Variants in EVC2 observed in about 807,000 individuals in gnomAD.
EVC2 encodes the protein EvC ciliary complex subunit 2, also known as limbin.
In EVC2, 148 loss-of-function variants were observed where a neutral mutation model predicts 149.3. The observed-to-expected ratio is 0.99, with a 90% confidence interval of 0.87 to 1.14. The LOEUF (loss-of-function observed/expected upper bound fraction) is 1.14, where lower values mean the gene tolerates loss of function less well. EVC2 is among the 50% of genes most tolerant of loss of function. The pLI is 0.00. For missense variants in EVC2, 1,854 were observed against 1,627.3 expected (o/e 1.14, Z -2.40); for synonymous variants, 776 against 649.9 (o/e 1.19, Z -2.95).
At chr4:5,603,842 G>T (rs972106683) in intron 16 of EVC2, among the ~76,000 whole-genome samples, 2 of 152,200 alleles carry the variant, frequency 1.3e-5, no homozygotes, top group Non-Finnish European at 2.9e-5. Flanking sequence ...ATAATTAAGT[G>T]TTCCTAAAGA....
chr4:5,631,786 G>C lies in EVC2; in HGVS notation c.1710+7C>G. The C allele has an allele frequency of 1.2e-6, 2 of 1,613,674 alleles. No homozygotes were observed. The highest frequency in any genetic ancestry group is 1.7e-6 in the Non-Finnish European group (2 of 1,179,590). ...ACTTTTCCATCACAGCGAGGCTGAT[G>C]TATTACCTGTATTTTAGAATAATTT... On this transcript the variant is annotated splice_region_variant and intron_variant, in intron 11 of 21. Coordinates refer to ENST00000344408, the MANE Select transcript of EVC2 (RefSeq NM_147127.5).
intron 13 of EVC2, among the ~76,000 whole-genome samples, chr4:5,624,363 T>C (rs1241090490): frequency 6.6e-6 from 1 of 152,182 alleles, no homozygotes; most frequent in Non-Finnish European, 1.5e-5. Context: ...CCTATTCCCT[T>C]GCCCAGGCAG....
intron 19 of EVC2, among the ~76,000 whole-genome samples, chr4:5,574,341 T>C (rs1246045363): frequency 6.6e-6 from 1 of 152,254 alleles, no homozygotes; most frequent in Admixed American, 6.5e-5. Flanking sequence ...TTGATGGCTC[T>C]GGCCCAGTTT....
chr4:5,700,220 T>G (rs1018217680), intron 1 of EVC2, among the ~76,000 whole-genome samples: 4 of 152,216 alleles, frequency 2.6e-5, no homozygotes, highest in African/African-American at 9.6e-5. Context: ...ATATGTGAAC[T>G]TTCTGCGCTA....
intron 16 of EVC2, among the ~76,000 whole-genome samples, chr4:5,615,082 G>A (rs1017960405): frequency 6.6e-6 from 1 of 152,146 alleles, no homozygotes; most frequent in Non-Finnish European, 1.5e-5. Flanking sequence ...GAATGTGATG[G>A]AGGTGAAATG....
chr4:5,615,689 G>A (rs1165527563), intron 15 of EVC2, 145 bp from the exon 16 acceptor site: 1 of 1,195,718 alleles, frequency 8.4e-7, no homozygotes, highest in Non-Finnish European at 1.2e-6. Context: ...GGGGAGGAGA[G>A]AGGTATGTTC....
At chr4:5,643,513 A>G (rs1332074660) in intron 9 of EVC2, among the ~76,000 whole-genome samples, 2 of 152,150 alleles carry the variant, frequency 1.3e-5, no homozygotes, top group Non-Finnish European at 2.9e-5. Flanking sequence ...TTAAATTTGC[A>G]TGTTGTTTTC....
intron 1 of EVC2, among the ~76,000 whole-genome samples, chr4:5,707,689 T>C (rs1208091828): frequency 6.6e-6 from 1 of 151,944 alleles, no homozygotes; most frequent in African/African-American, 2.4e-5. Context: ...GAAAAGGCAC[T>C]AGGACTGGTG....
chr4:5,558,871 T>C (rs1005589613), downstream of EVC2, among the ~76,000 whole-genome samples: 1 of 152,148 alleles, frequency 6.6e-6, no homozygotes, highest in African/African-American at 2.4e-5. Context: ...TGGGAAATGA[T>C]GGGAGCCACG....
At chr4:5,539,306 A>G (rs1721471686), downstream of EVC2, among the ~76,000 whole-genome samples, 1 of 152,204 alleles carries the variant, frequency 6.6e-6, no homozygotes, top group Admixed American at 6.5e-5. Flanking sequence ...ATGAAGAGCT[A>G]TACTGTATTT....
chr4:5,585,369 C>A (rs151084083), intron 16 of EVC2, among the ~76,000 whole-genome samples: 82 of 152,306 alleles, frequency 5.4e-4, no homozygotes, highest in African/African-American at 1.9e-3. Context: ...CTCCCATTCT[C>A]CCTTCCTGAA....
chr4:5,541,291 G>A (rs182706829), downstream of EVC2, among the ~76,000 whole-genome samples: 276 of 152,248 alleles, frequency 1.8e-3, 4 homozygotes, highest in South Asian at 0.029. Flanking sequence ...CAAAGTCTTT[G>A]TTCCCATGGA....
intron 18 of EVC2, among the ~76,000 whole-genome samples, chr4:5,575,350 G>A (rs1367032174): frequency 6.6e-6 from 1 of 152,218 alleles, no homozygotes; most frequent in African/African-American, 2.4e-5. Context: ...TCCTCCAGGA[G>A]CATATGAATA....
chr4:5,645,631 A>G (rs895245641), intron 9 of EVC2, among the ~76,000 whole-genome samples: 6 of 152,190 alleles, frequency 3.9e-5, no homozygotes, highest in Non-Finnish European at 8.8e-5. Context: ...CATGGTGTAT[A>G]TGTACCACAT....
chr4:5,563,006 T>A lies in EVC2; in HGVS notation c.3769A>T (p.Ile1257Phe). The change falls in exon 22 of 22, where the codon ATT becomes TTT. Residue 1257 changes from isoleucine (I) to phenylalanine (F), a missense_variant. Coordinates refer to ENST00000344408, the MANE Select transcript of EVC2 (RefSeq NM_147127.5). ...AGATCAATGGTTTCTGCCCCTACAATGGGTACAGGGGCCAGTTCGCCAATG... is the reference window on the plus strand; with the variant it reads ...AGATCAATGGTTTCTGCCCCTACAAAGGGTACAGGGGCCAGTTCGCCAATG... ...EPIGELAPVP[I>F]VGAETIDLLN... is the part of the protein sequence containing the mutation. The A allele has an allele frequency of 1.2e-6, 2 of 1,614,210 alleles. No homozygotes were observed. Among genetic ancestry groups the A allele is most frequent in the Non-Finnish European group, 8.5e-7 (1 of 1,180,036 alleles).
chr4:5,689,757 G>T (rs1320128011), intron 4 of EVC2, among the ~76,000 whole-genome samples: 4 of 152,182 alleles, frequency 2.6e-5, no homozygotes, highest in East Asian at 3.9e-4. Flanking sequence ...GTGATCTCCA[G>T]GAAGGACCCG....
chr4:5,559,985 C>G (rs76250454), downstream of EVC2, among the ~76,000 whole-genome samples: 2,620 of 152,020 alleles, frequency 0.017, 64 homozygotes, highest in African/African-American at 0.059. The surrounding 1 kb of genome is among the most constrained non-coding windows in gnomAD (Gnocchi z 5.0). Context: ...CCCAACTGAC[C>G]CCTGCCAGGT....
Position 5,562,852 on chromosome 4 carries a change from T to C in EVC2, c.3923A>G (p.Asp1308Gly), listed in dbSNP as rs765207079. The stretch of plus-strand genomic sequence containing the variant: ...CCCGCAGGTCTTTCCCTTGGGCTAG[T>C]CCATGCCCAAGGCCCTCATGGCCTT... ...AKKAMRALGM[D>G] Residue 1308 changes from aspartate (D) to glycine (G), a missense_variant, in exon 22 of 22, where the codon GAC (aspartate) becomes GGC (glycine). Physicochemically the swap from Asp to Gly is moderately conservative, Grantham distance 94. Transcript: ENST00000344408. This position sits in a 1 kb window ranked among gnomAD's most constrained non-coding sequence, Gnocchi z 4.3. The C allele has an allele frequency of 5.6e-6, 9 of 1,613,944 alleles. No individual in the cohort carries two copies. Among genetic ancestry groups the C allele is most frequent in the Non-Finnish European group, 7.6e-6 (9 of 1,180,038 alleles).
intron 9 of EVC2, among the ~76,000 whole-genome samples, 168 bp from the exon 10 acceptor site, chr4:5,641,006 T>G (rs1174643192): frequency 6.6e-6 from 1 of 152,172 alleles, no homozygotes; most frequent in African/African-American, 2.4e-5. Flanking sequence ...TGAAGGCCAT[T>G]AGCTGACTCT....
Sources: allele counts gnomAD v4.1 joint callset (sites outside exome capture counted in the v4.1 genomes callset), GRCh38; gene constraint gnomAD v4.1.1; non-coding constraint Gnocchi (gnomAD v3.1); transcripts MANE v1.5; gene names NCBI Gene and HGNC (gene_info 2026-07-23, HGNC 2026-07-21).